The following SNX29 variants were observed in gnomAD, a reference collection of about 807,000 sequenced individuals.
SNX29 encodes sorting nexin-29.
A neutral mutation model predicts 102.1 loss-of-function variants in SNX29; 78 were observed. That is an observed-to-expected ratio of 0.76 (90% CI 0.64 to 0.92). The LOEUF is 0.92. SNX29 is among the 40% of genes least tolerant of loss of function. The probability of loss-of-function intolerance (pLI) is 0.00; values close to 1 mark genes in which losing one functional copy is unlikely to be tolerated. For missense variants in SNX29, 1,280 were observed against 1,061.7 expected, an observed-to-expected ratio of 1.21 and a Z score of -2.86; for synonymous variants, 580 against 414.5, an observed-to-expected ratio of 1.40 and a Z score of -4.85.
intron 15 of SNX29, among the ~76,000 whole-genome samples, chr16:12,326,676 AG>A (rs1438993821): frequency 6.6e-6 from 1 of 152,082 alleles, no homozygotes; most frequent in Non-Finnish European, 1.5e-5. Context: ...CTGGTGACCT[AG>A]GTTTGGATTT....
chr16:12,207,139 C>T (rs756802717), intron 14 of SNX29, among the ~76,000 whole-genome samples: 15 of 152,044 alleles, frequency 9.9e-5, no homozygotes, highest in Non-Finnish European at 1.8e-4. Flanking sequence ...GAGGCCAAGA[C>T]GGGTGGATCA....
chr16:12,112,247 GCTTC>G (rs2053529074), intron 11 of SNX29, among the ~76,000 whole-genome samples: 1 of 152,184 alleles, frequency 6.6e-6, no homozygotes, highest in African/African-American at 2.4e-5. Context: ...AGCCACAGGT[GCTTC>G]CTTAAGTTTG....
At chr16:12,205,853 T>C (rs1306619980) in intron 14 of SNX29, among the ~76,000 whole-genome samples, 2 of 152,226 alleles carry the variant, frequency 1.3e-5, no homozygotes, top group Admixed American at 6.5e-5. Context: ...CCCTGCTGTG[T>C]TGAAAGTGCC....
intron 20 of SNX29, among the ~76,000 whole-genome samples, chr16:12,545,917 C>T (rs528425960): frequency 1.2e-4 from 19 of 152,164 alleles, no homozygotes; most frequent in Admixed American, 3.9e-4. Context: ...TCTAGGTGTT[C>T]GGGGCTATTA....
At chr16:12,220,726 T>C (rs1226758852) in intron 14 of SNX29, among the ~76,000 whole-genome samples, 2 of 152,234 alleles carry the variant, frequency 1.3e-5, no homozygotes, top group Non-Finnish European at 2.9e-5. Context: ...ATGATTCATA[T>C]TACGAATTAT....
Position 12,565,362 on chromosome 16 carries a change from C to T in SNX29, c.2319-3144C>T, listed in dbSNP as rs552774404. ...TCCATCTGTCACGCACTCACTGAAG[C>T]CCCTGGTCTAGCCAGATTTCCGCAG... On this transcript the variant is annotated intron_variant, in intron 20 of 20. Transcript: ENST00000566228. Among the ~76,000 whole-genome samples, 5 of 152,322 alleles carry T rather than the reference C, an allele frequency of 3.3e-5. No individual in the cohort carries two copies. The South Asian group carries it at 8.3e-4, about 25-fold the overall frequency.
chr16:12,525,545 A>C (rs1006662863), intron 20 of SNX29, among the ~76,000 whole-genome samples: 1 of 151,898 alleles, frequency 6.6e-6, no homozygotes, highest in Non-Finnish European at 1.5e-5. Context: ...TGCAAAAATT[A>C]GCTGGGCATG....
intron 15 of SNX29, among the ~76,000 whole-genome samples, chr16:12,291,650 A>T (rs911294823): frequency 5.9e-5 from 9 of 152,180 alleles, no homozygotes; most frequent in African/African-American, 2.2e-4. Flanking sequence ...CAAAAACCTT[A>T]TGTTTACTCT....
chr16:12,150,567 C>T (rs1272480496), intron 13 of SNX29, among the ~76,000 whole-genome samples: 2 of 152,240 alleles, frequency 1.3e-5, no homozygotes, highest in East Asian at 3.8e-4. Context: ...GTCTGCATCA[C>T]AGCTTTAACA....
At chr16:12,061,413 C>G in intron 8 of SNX29, 115 bp from the exon 9 acceptor site, 1 of 790,652 alleles carries the variant, frequency 1.3e-6, no homozygotes. Flanking sequence ...TCCTTCTGTT[C>G]TCAGCCCTGC....
rs576691211 is a variant in SNX29, at chr16:12,547,310, A to T, written c.2319-21196A>T. 2.6e-3 allele frequency among the ~76,000 whole-genome samples: 402 copies of T among 152,332 alleles called. 1 individual carries two copies. The highest frequency in any genetic ancestry group is 9.5e-3 in the African/African-American group (393 of 41,578). ...GGAGAAACAGCAAGGAAGCCAGGGT[A>T]GCCCAGGAACAGAGAGGCCTTGCAG... On this transcript the variant is annotated intron_variant, in intron 20 of 20. Coordinates refer to ENST00000566228, the MANE Select transcript of SNX29 (RefSeq NM_032167.5).
intron 19 of SNX29, among the ~76,000 whole-genome samples, chr16:12,493,627 T>C (rs2088662156): frequency 2.6e-5 from 4 of 152,228 alleles, no homozygotes; most frequent in Admixed American, 2.6e-4. Context: ...AAGGTCTCAC[T>C]CTTGCCCAGG....
intron 4 of SNX29, among the ~76,000 whole-genome samples, chr16:12,040,613 G>T (rs547422053): frequency 3.7e-4 from 57 of 152,172 alleles, no homozygotes; most frequent in Non-Finnish European, 7.5e-4. Context: ...TTATGTATAG[G>T]GGTGTTCTTT....
intron 13 of SNX29, among the ~76,000 whole-genome samples, chr16:12,138,206 CTTT>C (rs58229550): frequency 4.1e-5 from 5 of 122,996 alleles, no homozygotes; most frequent in Admixed American, 8.7e-5. Context: ...ATTTGTCACT[CTTT>C]TTTTTTTTTT....
chr16:12,545,816 C>G lies in SNX29; in HGVS notation c.2318+20975C>G, dbSNP rs541228756. ...AGGCATACAGGGGCCTCCCTACTGA[C>G]TCTCCAGACCTGTGGGGGAGGGGAG... On this transcript the variant is annotated intron_variant, in intron 20 of 20. Coordinates refer to ENST00000566228, the MANE Select transcript of SNX29 (RefSeq NM_032167.5). 2.0e-5 allele frequency among the ~76,000 whole-genome samples: 3 copies of G among 152,246 alleles called. No individual in the cohort carries two copies. The South Asian group carries it at 6.2e-4, about 32-fold the overall frequency.
At chr16:12,552,219 A>G (rs181115480) in intron 20 of SNX29, among the ~76,000 whole-genome samples, 1 of 152,136 alleles carries the variant, frequency 6.6e-6, no homozygotes, top group Admixed American at 6.6e-5. Context: ...CCGTGGAGTC[A>G]GACATCCAGC....
chr16:12,260,248 G>A (rs1426005262), intron 14 of SNX29, among the ~76,000 whole-genome samples: 1 of 152,192 alleles, frequency 6.6e-6, no homozygotes, highest in African/African-American at 2.4e-5. Flanking sequence ...TGGTGCTACA[G>A]GCGTCCTTGT....
intron 20 of SNX29, among the ~76,000 whole-genome samples, chr16:12,565,241 C>T (rs574291125): frequency 1.3e-5 from 2 of 152,316 alleles, no homozygotes; most frequent in African/African-American, 4.8e-5. Flanking sequence ...TGTTCTCAAT[C>T]TATAAAGATG....
At chr16:12,256,749 G>A (rs1244645212) in intron 14 of SNX29, among the ~76,000 whole-genome samples, 2 of 152,170 alleles carry the variant, frequency 1.3e-5, no homozygotes, top group Non-Finnish European at 2.9e-5. Flanking sequence ...GAGTTCCTGG[G>A]TACGTGGGAT....
Sources: gnomAD v4.1 joint callset for allele counts (sites outside exome capture counted in the v4.1 genomes callset) on GRCh38, gnomAD v4.1.1 for gene constraint, MANE v1.5 for transcripts, NCBI Gene and HGNC (gene_info 2026-07-23, HGNC 2026-07-21) for gene names.